USP43: variants seen among roughly 807,000 people sequenced by gnomAD.
USP43 encodes the protein ubiquitin specific peptidase 43.
In USP43, 33 loss-of-function variants were observed where a neutral mutation model predicts 90.7. That is an observed-to-expected ratio of 0.36 (90% CI 0.28 to 0.49). The LOEUF (loss-of-function observed/expected upper bound fraction) is 0.49. Ranked by LOEUF, USP43 falls within the 20% of genes least tolerant of loss-of-function variation. The probability of loss-of-function intolerance (pLI) is 0.98; values close to 1 mark genes in which losing one functional copy is unlikely to be tolerated. For missense variants in USP43, 1,274 were observed against 1,476.4 expected (o/e 0.86, Z 2.25); for synonymous variants, 598 against 615.8 (o/e 0.97, Z 0.43).
At chr17:9,702,886 C>A (rs1915657242) in intron 12 of USP43, among the ~76,000 whole-genome samples, 1 of 152,174 alleles carries the variant, frequency 6.6e-6, no homozygotes, top group Admixed American at 6.5e-5. Context: ...CTGGGGACCA[C>A]CTGAGTGGAC....
At chr17:9,681,509 T>TATATATATATATATATATA (rs58110468) in intron 6 of USP43, among the ~76,000 whole-genome samples, 1 of 110,686 alleles carries the variant, frequency 9.0e-6, no homozygotes, top group South Asian at 2.6e-4. Context: ...TATATATATA[T>TATATATATATATATATATA]TTGAGATGGT....
At chr17:9,717,229 G>A (rs756853880) in intron 14 of USP43, among the ~76,000 whole-genome samples, 3 of 151,402 alleles carry the variant, frequency 2.0e-5, no homozygotes, top group Non-Finnish European at 2.9e-5. Context: ...ATTGCGGTTC[G>A]GTTTCAGAGT....
intron 2 of USP43, among the ~76,000 whole-genome samples, chr17:9,658,537 A>G (rs1567648270): frequency 6.6e-6 from 1 of 152,204 alleles, no homozygotes; most frequent in African/African-American, 2.4e-5. Context: ...CATTCCCAAA[A>G]CATACAAATG....
At chr17:9,649,230 C>T (rs1033517770) in intron 1 of USP43, among the ~76,000 whole-genome samples, 2 of 152,090 alleles carry the variant, frequency 1.3e-5, no homozygotes, top group Non-Finnish European at 2.9e-5. Flanking sequence ...TTGCTTGAAC[C>T]TGGGAGGCGG....
chr17:9,727,977 G>A lies in USP43; in HGVS notation c.2359G>A (p.Val787Ile). The change falls in exon 15 of 15, where the codon GTA (valine) becomes ATA (isoleucine). Residue 787 changes from valine (V) to isoleucine (I), a missense_variant. By Grantham distance (29) the Val-to-Ile change is conservative (BLOSUM62 3). Around this residue, in one of 6 missense-constraint regions of USP43, gnomAD observed 285 missense variants for 349.6 expected, o/e 0.82. Transcript: ENST00000285199. ...AGGAGGGTTGGAGCCCAGGCGTTTGGTACGGGGCGTGAAAGGCAGAAGCAT... is the reference window on the plus strand; with the variant it reads ...AGGAGGGTTGGAGCCCAGGCGTTTGATACGGGGCGTGAAAGGCAGAAGCAT... ...EKGGLEPRRL[V>I]RGVKGRSISM... 3 of 1,609,096 alleles carry A rather than the reference G, an allele frequency of 1.9e-6. No homozygotes were observed. Among genetic ancestry groups the A allele is most frequent in the South Asian group, 1.1e-5 (1 of 90,968 alleles).
In USP43 at chr17:9,710,080, C is replaced by T; in HGVS notation, c.2136C>T (p.Ser712=). ...AYILFYQKRN[S]IPPWSASSSM... ...TCCTGTTCTATCAGAAGCGGAACAG[C>T]ATCCCTCCCTGGTCAGCCAGCAGCT... The change falls in exon 13 of 15, where the codon AGC becomes AGT. Residue 712 remains serine (S), a synonymous_variant. Transcript: ENST00000285199. 6.5e-7 allele frequency: 1 copy of T among 1,545,348 alleles called. No individual in the cohort carries two copies. The highest frequency in any genetic ancestry group is 8.7e-7 in the Non-Finnish European group (1 of 1,146,294).
chr17:9,656,228 T>G (rs1912234210), intron 1 of USP43, among the ~76,000 whole-genome samples, 175 bp from the exon 2 acceptor site: 1 of 152,186 alleles, frequency 6.6e-6, no homozygotes, highest in Non-Finnish European at 1.5e-5. Flanking sequence ...TTGGGGACAT[T>G]GCCCCAAAAG....
intron 12 of USP43, among the ~76,000 whole-genome samples, chr17:9,707,472 C>T (rs1915949528): frequency 6.6e-6 from 1 of 151,814 alleles, no homozygotes; most frequent in East Asian, 1.9e-4. Context: ...TGGTGAAACC[C>T]CGTCTCTAAT....
rs561965620 is a variant in USP43 at position 9,684,208 on chromosome 17, G to A, written c.1241+1250G>A. The stretch of plus-strand genomic sequence containing the variant: ...CATGGGAGAATATTTATGTCCTTGG[G>A]TGGGGGCTAGTTTAACATCAAAGTC... On this transcript the variant is annotated intron_variant, in intron 7 of 14. Coordinates refer to ENST00000285199, the MANE Select transcript of USP43 (RefSeq NM_153210.5). Among the ~76,000 whole-genome samples the A allele has an allele frequency of 2.0e-5, 3 of 152,112 alleles. No homozygotes were observed. In the South Asian group the frequency reaches 6.2e-4, roughly 32 times the overall value.
chr17:9,723,336 T>A (rs577841865), intron 14 of USP43, among the ~76,000 whole-genome samples: 1 of 152,192 alleles, frequency 6.6e-6, no homozygotes, highest in East Asian at 1.9e-4. Flanking sequence ...AACTTGGGGG[T>A]GCCTTTTGTT....
intron 8 of USP43, among the ~76,000 whole-genome samples, chr17:9,690,013 C>A (rs144023920): frequency 6.6e-6 from 1 of 152,114 alleles, no homozygotes; most frequent in Non-Finnish European, 1.5e-5. Context: ...CGAACTGGAA[C>A]GTGGTTAGAG....
chr17:9,715,434 C>T (rs1167152892), intron 14 of USP43, among the ~76,000 whole-genome samples: 1 of 152,152 alleles, frequency 6.6e-6, no homozygotes, highest in Admixed American at 6.5e-5. Context: ...GCCTGGGTGA[C>T]AGAGTGAGAC....
intron 3 of USP43, among the ~76,000 whole-genome samples, chr17:9,667,746 C>T (rs910515847): frequency 6.6e-6 from 1 of 152,106 alleles, no homozygotes; most frequent in Non-Finnish European, 1.5e-5. Flanking sequence ...TACAGAGAGC[C>T]TCCTCTAAGA....
At chr17:9,670,032 G>A (rs1913296939) in intron 3 of USP43, among the ~76,000 whole-genome samples, 2 of 148,030 alleles carry the variant, frequency 1.4e-5, no homozygotes, top group Admixed American at 6.7e-5. Context: ...AGTTTCAGAG[G>A]TGACTGCTTT....
chr17:9,693,795 G>T (rs533913593), intron 9 of USP43, among the ~76,000 whole-genome samples: 1 of 152,122 alleles, frequency 6.6e-6, no homozygotes, highest in Non-Finnish European at 1.5e-5. Flanking sequence ...CCGAGATCGC[G>T]CCACTGCACT....
chr17:9,667,426 A>G (rs773818428), intron 3 of USP43, among the ~76,000 whole-genome samples: 19 of 152,174 alleles, frequency 1.2e-4, no homozygotes, highest in Non-Finnish European at 2.2e-4. Context: ...AACAAACAAT[A>G]AAAAAAGTTA....
Position 9,645,814 on chromosome 17 carries a change from T to C in USP43, c.182T>C (p.Phe61Ser), listed in dbSNP as rs775457368. ...GHCDGDGEGG[F>S]ACAPGPVPAA... is the part of the protein sequence containing the mutation. Reference sequence around the variant, plus strand: ...TGTGATGGCGACGGTGAGGGGGGCTTCGCCTGCGCCCCGGGCCCAGTTCCA... The same window carrying C: ...TGTGATGGCGACGGTGAGGGGGGCTCCGCCTGCGCCCCGGGCCCAGTTCCA... The change falls in exon 1 of 15, where the codon TTC becomes TCC. Residue 61 changes from phenylalanine to serine, a missense_variant. This residue lies in a region of USP43 where 112 missense variants were observed against 106.6 expected (regional missense o/e 1.05). Coordinates refer to ENST00000285199, the MANE Select transcript of USP43 (RefSeq NM_153210.5). The surrounding 1 kb of genome is among the most constrained non-coding windows in gnomAD (Gnocchi z 6.8). 14 of 1,389,266 alleles carry C rather than the reference T, an allele frequency of 1.0e-5. No homozygotes were observed. Among genetic ancestry groups the C allele is most frequent in the Non-Finnish European group, 1.3e-5 (14 of 1,078,312 alleles). The allele number at this position is 1,389,266 out of a possible 1,614,324, so 86.1% of individuals were successfully genotyped here.
intron 6 of USP43, 149 bp from the exon 7 acceptor site, chr17:9,682,674 C>T: frequency 3.1e-6 from 3 of 957,632 alleles, no homozygotes; most frequent in Non-Finnish European, 4.5e-6. Flanking sequence ...CCATGAACCT[C>T]ATTATCTCCT....
At chr17:9,652,850 A>G (rs1255954233) in intron 1 of USP43, among the ~76,000 whole-genome samples, 1 of 152,182 alleles carries the variant, frequency 6.6e-6, no homozygotes, top group Non-Finnish European at 1.5e-5. Context: ...TTCTATGATA[A>G]CCATTTGCTA....
Sources: gnomAD v4.1 joint callset for allele counts (sites outside exome capture counted in the v4.1 genomes callset) on GRCh38, gnomAD v4.1.1 for gene constraint, gnomAD v4.1.1 regional missense constraint, Gnocchi (gnomAD v3.1) non-coding constraint, MANE v1.5 for transcripts, NCBI Gene and HGNC (gene_info 2026-07-23, HGNC 2026-07-21) for gene names.